FRAT2: variants seen among roughly 807,000 people sequenced by gnomAD.
The protein encoded by FRAT2 is FRAT regulator of Wnt signaling pathway 2.
For missense variants in FRAT2, 326 were observed against 340.8 expected (o/e 0.96, Z 0.34); for synonymous variants, 205 against 171.5 (o/e 1.20, Z -1.53).
chr10:97,333,553 C>G lies in FRAT2; in HGVS notation c.*318G>C. 1 of 328,650 alleles carries G rather than the reference C, an allele frequency of 3.0e-6. No homozygotes were observed. The highest frequency in any genetic ancestry group is 5.5e-6 in the Non-Finnish European group (1 of 180,558). 20.4% of individuals were successfully genotyped at this position (328,650 alleles called of 1,614,324 possible). A position where few individuals can be genotyped will look rare whatever the true frequency, so the allele number is the denominator to read the frequency against. The stretch of plus-strand genomic sequence containing the variant: ...TCCAAGCTCACGACGCCCCCAAGGG[C>G]TAAGTGAGGTACAAGTCGATGCAAG... On this transcript the variant is annotated 3_prime_UTR_variant, in exon 1 of 1. Coordinates refer to ENST00000371019, the MANE Select transcript of FRAT2 (RefSeq NM_012083.3).
At position 97,333,889 on chromosome 10, in the gene FRAT2, G is replaced by A. The variant is rs1434151681; in HGVS notation, c.684C>T (p.Pro228=). Residue 228 remains proline (P), a synonymous_variant, in exon 1 of 1, where the codon CCC becomes CCT. Transcript: ENST00000371019. ...RSGPDRIALQ[P]SGSLL ...GCCTGCGTCAGAGCAAGGAGCCTGA[G>A]GGCTGCAGGGCAATGCGGTCAGGTC... is the stretch of plus-strand genomic sequence containing the variant. 3.2e-6 allele frequency: 5 copies of A among 1,546,630 alleles called. No homozygotes were observed. Among genetic ancestry groups the A allele is most frequent in the Non-Finnish European group, 4.3e-6 (5 of 1,152,386 alleles).
At position 97,334,337 on chromosome 10, in the gene FRAT2, G is replaced by T; in HGVS notation, c.236C>A (p.Ala79Glu). Residue 79 changes from alanine (A) to glutamate (E), a missense_variant, in exon 1 of 1, where the codon GCG becomes GAG. By Grantham distance (107) the Ala-to-Glu change is moderately radical. Transcript: ENST00000371019. ...CCGGGCCTTGTCCGCCGGCACCGCC[G>T]CAGCCAGGGGCCCCGGGGCCCGCAG... ...VPLRAPGPLA[A>E]AVPADKARPP... 3.4e-6 allele frequency: 4 copies of T among 1,173,836 alleles called. No individual in the cohort carries two copies. Among genetic ancestry groups the T allele is most frequent in the Non-Finnish European group, 3.2e-6 (3 of 951,112 alleles). 72.7% of individuals were successfully genotyped at this position (1,173,836 alleles called of 1,614,324 possible). A position where few individuals can be genotyped will look rare whatever the true frequency, so the allele number is the denominator to read the frequency against.
chr10:97,334,678 C>G lies in FRAT2; in HGVS notation c.-106G>C. The G allele has an allele frequency of 3.2e-6, 4 of 1,252,324 alleles. No individual in the cohort carries two copies. The highest frequency in any genetic ancestry group is 4.1e-6 in the Non-Finnish European group (4 of 987,120). 77.6% of individuals were successfully genotyped at this position (1,252,324 alleles called of 1,614,324 possible). A position where few individuals can be genotyped will look rare whatever the true frequency, so the allele number is the denominator to read the frequency against. On this transcript the variant is annotated 5_prime_UTR_variant, in exon 1 of 1. Coordinates refer to ENST00000371019, the MANE Select transcript of FRAT2 (RefSeq NM_012083.3). The stretch of plus-strand genomic sequence containing the variant: ...CCGGAGCAGGGGCGGACGCGGAAGC[C>G]GGAGCCCGCCAGGCACTCGAGCCAC...
rs1212596985 is a variant in FRAT2, at chr10:97,334,573, G to A, written c.-1C>T. ...CTTCCTCCTCCCTCCGGCACGGCAT[G>A]GCCCCCCGTCCTGGCACCCGGAGCT... On this transcript the variant is annotated 5_prime_UTR_variant, in exon 1 of 1. Coordinates refer to ENST00000371019, the MANE Select transcript of FRAT2 (RefSeq NM_012083.3). 2.8e-6 allele frequency: 4 copies of A among 1,446,682 alleles called. No homozygotes were observed. The highest frequency in any genetic ancestry group is 3.6e-6 in the Non-Finnish European group (4 of 1,097,964). The allele number at this position is 1,446,682 out of a possible 1,614,324, so 89.6% of individuals were successfully genotyped here. A position where few individuals can be genotyped will look rare whatever the true frequency, so the allele number is the denominator to read the frequency against.
Position 97,334,112 on chromosome 10 carries a change from G to A in FRAT2, c.461C>T (p.Thr154Ile), listed in dbSNP as rs766959091. 3.2e-6 allele frequency: 5 copies of A among 1,576,082 alleles called. No homozygotes were observed. Among genetic ancestry groups the A allele is most frequent in the South Asian group, 2.3e-5 (2 of 88,200 alleles). ...CRRGWLRDAVTSRRLQQRRWT... is the reference protein window; with the variant it reads ...CRRGWLRDAVISRRLQQRRWT... ...TCGGCGCTGCTGCAAGCGGCGGGAG[G>A]TGACCGCGTCCCTGAGCCATCCTCG... Residue 154 changes from threonine (T) to isoleucine (I), a missense_variant, in exon 1 of 1, where the codon ACC becomes ATC. By Grantham distance (89) the Thr-to-Ile change is moderately conservative (BLOSUM62 -1). Coordinates refer to ENST00000371019, the MANE Select transcript of FRAT2 (RefSeq NM_012083.3).
chr10:97,333,820 C>A lies in FRAT2; in HGVS notation c.*51G>T, dbSNP rs770153183. On this transcript the variant is annotated 3_prime_UTR_variant, in exon 1 of 1. Transcript: ENST00000371019. Reference sequence around the variant, plus strand: ...CAGCTCAGAGTTAGTAGGAACTGGACGCTGTTGGGTCTACGCAGCGGCCTC... The same window carrying A: ...CAGCTCAGAGTTAGTAGGAACTGGAAGCTGTTGGGTCTACGCAGCGGCCTC... 2.8e-6 allele frequency: 4 copies of A among 1,415,100 alleles called. No homozygotes were observed. The highest frequency in any genetic ancestry group is 3.0e-5 in the South Asian group (2 of 66,984). The allele number at this position is 1,415,100 out of a possible 1,614,324, so 87.7% of individuals were successfully genotyped here.
Position 97,334,481 on chromosome 10 carries a change from G to A in FRAT2, c.92C>T (p.Ser31Leu). The A allele has an allele frequency of 2.0e-6, 3 of 1,492,810 alleles. No homozygotes were observed. Among genetic ancestry groups the A allele is most frequent in the South Asian group, 2.5e-5 (2 of 80,316 alleles). The allele number at this position is 1,492,810 out of a possible 1,614,324, so 92.5% of individuals were successfully genotyped here. Residue 31 changes from serine to leucine, a missense_variant, in exon 1 of 1, where the codon TCG (serine) becomes TTG (leucine). Ser to Leu is a moderately radical substitution (Grantham distance 145, BLOSUM62 -2). Transcript: ENST00000371019. Reference sequence around the variant, plus strand: ...CTCGCCCGAGCTGCCCAGCGTCACCGACTGCTGCAGCAGGAGGAAGCTGTC... The same window carrying A: ...CTCGCCCGAGCTGCCCAGCGTCACCAACTGCTGCAGCAGGAGGAAGCTGTC... Reference protein sequence around the residue: ...EDDSFLLLQQSVTLGSSGEVD... With the variant: ...EDDSFLLLQQLVTLGSSGEVD...
chr10:97,334,599 G>T lies in FRAT2; in HGVS notation c.-27C>A. On this transcript the variant is annotated 5_prime_UTR_variant, in exon 1 of 1. Transcript: ENST00000371019. ...GCCCCCCGTCCTGGCACCCGGAGCTGTGCGGGCTTCGCTGGGGGCTTGGTT... is the reference window on the plus strand; with the variant it reads ...GCCCCCCGTCCTGGCACCCGGAGCTTTGCGGGCTTCGCTGGGGGCTTGGTT... 3 of 1,383,324 alleles carry T rather than the reference G, an allele frequency of 2.2e-6. No homozygotes were observed. The highest frequency in any genetic ancestry group is 2.8e-6 in the Non-Finnish European group (3 of 1,061,970). 85.7% of individuals were successfully genotyped at this position (1,383,324 alleles called of 1,614,324 possible). A position where few individuals can be genotyped will look rare whatever the true frequency, so the allele number is the denominator to read the frequency against.
chr10:97,333,976 G>T lies in FRAT2; in HGVS notation c.597C>A (p.Ala199=), dbSNP rs765014260. Reference sequence around the variant, plus strand: ...GGCCCGTGGCTGCAACCGCGGCGACGGCTCGTTGGAGTCTCCGCACGGCTT... The same window carrying T: ...GGCCCGTGGCTGCAACCGCGGCGACTGCTCGTTGGAGTCTCCGCACGGCTT... ...IKEAVRRLQR[A]VAAVAATGPA... The change falls in exon 1 of 1, where the codon GCC becomes GCA. Residue 199 remains alanine (A), a synonymous_variant. Transcript: ENST00000371019. The T allele has an allele frequency of 6.3e-6, 10 of 1,583,814 alleles. No homozygotes were observed. The Admixed American group carries it at 1.2e-4, about 19-fold the overall frequency.
rs1843540670 is a variant in FRAT2, at chr10:97,333,078, C to T, written c.*793G>A. ...CACGTCCCTCTCTGCCTGTTTGTGT[C>T]CTCGGGAGACTCCAAGCGGTGGTAA... On this transcript the variant is annotated 3_prime_UTR_variant, in exon 1 of 1. Transcript: ENST00000371019. 6.6e-6 allele frequency: 1 copy of T among 152,196 alleles called. No individual in the cohort carries two copies. The highest frequency in any genetic ancestry group is 1.9e-4 in the East Asian group (1 of 5,206). The allele number at this position is 152,196 out of a possible 1,614,324, so 9.4% of individuals were successfully genotyped here. A position where few individuals can be genotyped will look rare whatever the true frequency, so the allele number is the denominator to read the frequency against.
In FRAT2 at chr10:97,332,628, T is replaced by C. The variant is rs1252948565; in HGVS notation, c.*1243A>G. The C allele has an allele frequency of 6.6e-6, 1 of 152,212 alleles. No individual in the cohort carries two copies. The highest frequency in any genetic ancestry group is 1.5e-5 in the Non-Finnish European group (1 of 68,044). 9.4% of individuals were successfully genotyped at this position (152,212 alleles called of 1,614,324 possible). A position where few individuals can be genotyped will look rare whatever the true frequency, so the allele number is the denominator to read the frequency against. On this transcript the variant is annotated 3_prime_UTR_variant, in exon 1 of 1. Transcript: ENST00000371019. ...CTACATCTGGAGGATGAACAAGCCATTGAATCTTTTAAAAATTGGTTTAGC... is the reference window on the plus strand; with the variant it reads ...CTACATCTGGAGGATGAACAAGCCACTGAATCTTTTAAAAATTGGTTTAGC...
Position 97,334,631 on chromosome 10 carries a change from G to A in FRAT2, c.-59C>T, listed in dbSNP as rs950868666. On this transcript the variant is annotated 5_prime_UTR_variant, in exon 1 of 1. Transcript: ENST00000371019. The stretch of plus-strand genomic sequence containing the variant: ...CTTCGCTGGGGGCTTGGTTGCCCGC[G>A]GGCGCGGAGCTGCGGGCGAAGCCGG... 23 of 1,306,538 alleles carry A rather than the reference G, an allele frequency of 1.8e-5. No homozygotes were observed. In the African/African-American group the frequency reaches 3.1e-4, roughly 17 times the overall value. 80.9% of individuals were successfully genotyped at this position (1,306,538 alleles called of 1,614,324 possible). A position where few individuals can be genotyped will look rare whatever the true frequency, so the allele number is the denominator to read the frequency against.
Position 97,334,372 on chromosome 10 carries a change from C to A in FRAT2, c.201G>T (p.Pro67=), listed in dbSNP as rs752291854. 4 of 1,238,914 alleles carry A rather than the reference C, an allele frequency of 3.2e-6. No homozygotes were observed. The South Asian group carries it at 1.4e-4, about 42-fold the overall frequency. 76.7% of individuals were successfully genotyped at this position (1,238,914 alleles called of 1,614,324 possible). Residue 67 remains proline, a synonymous_variant, in exon 1 of 1, where the codon CCG becomes CCT. Coordinates refer to ENST00000371019, the MANE Select transcript of FRAT2 (RefSeq NM_012083.3). ...QDSPASPCAP[P]GVPLRAPGPL... Reference sequence around the variant, plus strand: ...GCCCCGGGGCCCGCAGCGGCACCCCCGGGGGCGCGCACGGCGAGGCCGGGC... The same window carrying A: ...GCCCCGGGGCCCGCAGCGGCACCCCAGGGGGCGCGCACGGCGAGGCCGGGC...
rs1170786366 is a variant in FRAT2 at position 97,334,692 on chromosome 10, C to A, written c.-120G>T. ...GACGCGGAAGCCGGAGCCCGCCAGG[C>A]ACTCGAGCCACGCGCCTGCAGCCGC... On this transcript the variant is annotated 5_prime_UTR_variant, in exon 1 of 1. Coordinates refer to ENST00000371019, the MANE Select transcript of FRAT2 (RefSeq NM_012083.3). 5.1e-6 allele frequency: 6 copies of A among 1,170,748 alleles called. No individual in the cohort carries two copies. Among genetic ancestry groups the A allele is most frequent in the Admixed American group, 4.2e-5 (1 of 23,574 alleles). 72.5% of individuals were successfully genotyped at this position (1,170,748 alleles called of 1,614,324 possible). A position where few individuals can be genotyped will look rare whatever the true frequency, so the allele number is the denominator to read the frequency against.
In FRAT2 at chr10:97,334,456, C is replaced by T; in HGVS notation, c.117G>A (p.Glu39=). 1 of 1,486,926 alleles carries T rather than the reference C, an allele frequency of 6.7e-7. No individual in the cohort carries two copies. Among genetic ancestry groups the T allele is most frequent in the Non-Finnish European group, 8.9e-7 (1 of 1,123,146 alleles). 92.1% of individuals were successfully genotyped at this position (1,486,926 alleles called of 1,614,324 possible). ...CGATCTGGGCCACCAGCCGGTCCAC[C>T]TCGCCCGAGCTGCCCAGCGTCACCG... ...QQSVTLGSSG[E]VDRLVAQIGE... is the part of the protein sequence containing the mutation. Residue 39 remains glutamate, a synonymous_variant, in exon 1 of 1, where the codon GAG becomes GAA. Coordinates refer to ENST00000371019, the MANE Select transcript of FRAT2 (RefSeq NM_012083.3).
chr10:97,333,835 G>A lies in FRAT2; in HGVS notation c.*36C>T, dbSNP rs1167182691. The A allele has an allele frequency of 6.2e-6, 9 of 1,452,066 alleles. No individual in the cohort carries two copies. Among genetic ancestry groups the A allele is most frequent in the South Asian group, 1.4e-5 (1 of 72,518 alleles). The allele number at this position is 1,452,066 out of a possible 1,614,324, so 89.9% of individuals were successfully genotyped here. A position where few individuals can be genotyped will look rare whatever the true frequency, so the allele number is the denominator to read the frequency against. On this transcript the variant is annotated 3_prime_UTR_variant, in exon 1 of 1. Coordinates refer to ENST00000371019, the MANE Select transcript of FRAT2 (RefSeq NM_012083.3). ...AGGAACTGGACGCTGTTGGGTCTAC[G>A]CAGCGGCCTCCACTTCCTCCTCCAG... is the stretch of plus-strand genomic sequence containing the variant.
In FRAT2 at chr10:97,332,653, C is replaced by T. The variant is rs985844227; in HGVS notation, c.*1218G>A. 2.0e-5 allele frequency: 3 copies of T among 152,168 alleles called. No individual in the cohort carries two copies. 9.4% of individuals were successfully genotyped at this position (152,168 alleles called of 1,614,324 possible). On this transcript the variant is annotated 3_prime_UTR_variant, in exon 1 of 1. Transcript: ENST00000371019. Reference sequence around the variant, plus strand: ...TTGAATCTTTTAAAAATTGGTTTAGCTACCTTAAAGTTTGGGGGTGGCACC... The same window carrying T: ...TTGAATCTTTTAAAAATTGGTTTAGTTACCTTAAAGTTTGGGGGTGGCACC...
Position 97,333,630 on chromosome 10 carries a change from C to T in FRAT2, c.*241G>A, listed in dbSNP as rs949593912. ...CCCAGGTCCTTGGGCTTGGATGGCC[C>T]GGGAAATTCTCATGCCCCACGGAAG... On this transcript the variant is annotated 3_prime_UTR_variant, in exon 1 of 1. Coordinates refer to ENST00000371019, the MANE Select transcript of FRAT2 (RefSeq NM_012083.3). 8 of 444,846 alleles carry T rather than the reference C, an allele frequency of 1.8e-5. No homozygotes were observed. Among genetic ancestry groups the T allele is most frequent in the Non-Finnish European group, 2.8e-5 (7 of 253,180 alleles). The allele number at this position is 444,846 out of a possible 1,614,324, so 27.6% of individuals were successfully genotyped here. A position where few individuals can be genotyped will look rare whatever the true frequency, so the allele number is the denominator to read the frequency against.
Position 97,334,670 on chromosome 10 carries a change from G to A in FRAT2, c.-98C>T. 1 of 1,268,246 alleles carries A rather than the reference G, an allele frequency of 7.9e-7. No homozygotes were observed. Among genetic ancestry groups the A allele is most frequent in the Non-Finnish European group, 1.0e-6 (1 of 1,001,090 alleles). 78.6% of individuals were successfully genotyped at this position (1,268,246 alleles called of 1,614,324 possible). On this transcript the variant is annotated 5_prime_UTR_variant, in exon 1 of 1. Transcript: ENST00000371019. ...GGGCGAAGCCGGAGCAGGGGCGGACGCGGAAGCCGGAGCCCGCCAGGCACT... is the reference window on the plus strand; with the variant it reads ...GGGCGAAGCCGGAGCAGGGGCGGACACGGAAGCCGGAGCCCGCCAGGCACT...
Sources: gnomAD v4.1 joint callset for allele counts on GRCh38, gnomAD v4.1.1 for gene constraint, MANE v1.5 for transcripts, NCBI Gene and HGNC (gene_info 2026-07-23, HGNC 2026-07-21) for gene names.